ABCA13: variants seen among roughly 807,000 people sequenced by gnomAD.
ABCA13 encodes the protein ATP binding cassette subfamily A member 13.
Under a neutral mutation model 478.7 loss-of-function variants are expected in ABCA13, and 476 were observed. The observed-to-expected ratio is 0.99, with a 90% CI of 0.92 to 1.07. The LOEUF is 1.07. ABCA13 is among the 50% of genes least tolerant of loss of function. ABCA13 has a pLI of 0.00. For synonymous variants in ABCA13, 2,252 were observed against 2,158.9 expected (o/e 1.04, Z -1.20); for missense variants, 6,060 against 5,910.6 (o/e 1.03, Z -0.83).
chr7:48,624,416 C>T (rs1215349432), intron 59 of ABCA13, among the ~76,000 whole-genome samples: 2 of 152,070 alleles, frequency 1.3e-5, no homozygotes, highest in Non-Finnish European at 2.9e-5. Flanking sequence ...AAAAACACTC[C>T]TGTCATGGAA....
At chr7:48,592,542 G>A (rs1300003426) in intron 57 of ABCA13, among the ~76,000 whole-genome samples, 5 of 151,844 alleles carry the variant, frequency 3.3e-5, no homozygotes, top group African/African-American at 9.7e-5. Flanking sequence ...AGAAGAATGT[G>A]TATTCTGCTA....
intron 46 of ABCA13, 48 bp downstream of exon 46, chr7:48,481,202 G>T: frequency 2.9e-6 from 4 of 1,393,322 alleles, no homozygotes; most frequent in South Asian, 1.3e-5. Flanking sequence ...GATTACTATG[G>T]AAAACTTATT....
chr7:48,245,488 A>G, intron 11 of ABCA13, 24 bp from the exon 12 acceptor site: 2 of 1,582,868 alleles, frequency 1.3e-6, no homozygotes, highest in Non-Finnish European at 1.7e-6. Flanking sequence ...TAGGTGAATA[A>G]TAATCAATTT....
At chr7:48,532,201 A>G (rs1563402452) in intron 55 of ABCA13, among the ~76,000 whole-genome samples, 1 of 152,012 alleles carries the variant, frequency 6.6e-6, no homozygotes, top group Non-Finnish European at 1.5e-5. Flanking sequence ...GAGGGTTTTA[A>G]TCATAAAGAA....
At position 48,522,316 on chromosome 7, in the gene ABCA13, G is replaced by A. The variant is rs1047745519; in HGVS notation, c.14052-1932G>A. On this transcript the variant is annotated intron_variant, in intron 53 of 61. Transcript: ENST00000435803. Reference sequence around the variant, plus strand: ...TCCTTGCTGTCCTTCCCTAACCTGCGCTGACTCCTGTCCAGCTGTCCCACT... The same window carrying A: ...TCCTTGCTGTCCTTCCCTAACCTGCACTGACTCCTGTCCAGCTGTCCCACT... Among the ~76,000 whole-genome samples, 6 of 152,194 alleles carry A rather than the reference G, an allele frequency of 3.9e-5. No individual in the cohort carries two copies. In the East Asian group the frequency reaches 9.7e-4, roughly 25 times the overall value.
At chr7:48,317,062 G>A in intron 26 of ABCA13, 95 bp from the exon 27 acceptor site, 1 of 1,435,582 alleles carries the variant, frequency 7.0e-7, no homozygotes, top group East Asian at 2.5e-5. Context: ...GGCTGTCATT[G>A]AAAATGAGGC....
chr7:48,220,064 C>T (rs1187700268), intron 4 of ABCA13, among the ~76,000 whole-genome samples: 1 of 152,052 alleles, frequency 6.6e-6, no homozygotes, highest in Non-Finnish European at 1.5e-5. Flanking sequence ...GTGGATTATT[C>T]CCTAAACAAA....
At chr7:48,507,274 C>T (rs911621659) in intron 49 of ABCA13, among the ~76,000 whole-genome samples, 2 of 152,194 alleles carry the variant, frequency 1.3e-5, no homozygotes, top group Non-Finnish European at 2.9e-5. Context: ...TCCTGAAAGA[C>T]CATCTGTGGT....
In ABCA13 at chr7:48,358,264, GGGGAC is replaced by G. The variant is rs1162504385; in HGVS notation, c.10688+5778_10688+5782del. The stretch of plus-strand genomic sequence containing the variant: ...GGGGAGGGGAGGGGAGGGGAGGGGA[GGGGAC>G]AATGCCTGCCTGGCATGTTTTCTTA... On this transcript the variant is annotated intron_variant, in intron 31 of 61. Coordinates refer to ENST00000435803, the MANE Select transcript of ABCA13 (RefSeq NM_152701.5). Among the ~76,000 whole-genome samples, 397 of 100,182 alleles carry G rather than the reference GGGGAC, an allele frequency of 4.0e-3. 18 individuals carry two copies. The highest frequency in any genetic ancestry group is 0.015 in the African/African-American group (359 of 24,516). 65.7% of individuals were successfully genotyped at this position (100,182 alleles called of 152,430 possible).
intron 20 of ABCA13, among the ~76,000 whole-genome samples, chr7:48,289,108 G>A (rs922638626): frequency 6.6e-6 from 1 of 152,218 alleles, no homozygotes; most frequent in East Asian, 1.9e-4. Context: ...GCATGGCAAG[G>A]GTGTCGAATG....
Position 48,624,658 on chromosome 7 carries a change from C to T in ABCA13, c.14837+9281C>T, listed in dbSNP as rs137877274. ...GCAACCTCTCTGTCCCAGGTTCAAG[C>T]GATTCTCCTGCCTTAGCCTCCCAAG... On this transcript the variant is annotated intron_variant, in intron 59 of 61. Coordinates refer to ENST00000435803, the MANE Select transcript of ABCA13 (RefSeq NM_152701.5). 7.0e-3 allele frequency among the ~76,000 whole-genome samples: 1,069 copies of T among 151,856 alleles called. 11 individuals are homozygous for T. Among genetic ancestry groups the T allele is most frequent in the African/African-American group, 0.024 (986 of 41,420 alleles).
In ABCA13 at chr7:48,412,544, C is replaced by G. The variant is rs764769485; in HGVS notation, c.12420C>G (p.His4140Gln). 7.4e-6 allele frequency: 12 copies of G among 1,612,630 alleles called. No individual in the cohort carries two copies. Among genetic ancestry groups the G allele is most frequent in the South Asian group, 1.1e-5 (1 of 90,920 alleles). Residue 4140 changes from histidine to glutamine, a missense_variant, in exon 41 of 62, where the codon CAC becomes CAG. Physicochemically the swap from His to Gln is conservative, Grantham distance 24. Around this residue, in one of 3 missense-constraint regions of ABCA13, gnomAD observed 1,627 missense variants for 1,571.0 expected, o/e 1.04. Coordinates refer to ENST00000435803, the MANE Select transcript of ABCA13 (RefSeq NM_152701.5). The stretch of plus-strand genomic sequence containing the variant: ...TGGATGAGAACCTGCATCAGCTGCA[C>G]CTGACGGGCTATGGGATCTCAGACA... ...QALDENLHQL[H>Q]LTGYGISDTT...
intron 58 of ABCA13, among the ~76,000 whole-genome samples, chr7:48,599,469 A>G (rs1790652261): frequency 6.6e-6 from 1 of 152,120 alleles, no homozygotes; most frequent in Non-Finnish European, 1.5e-5. Context: ...TATATTCTGA[A>G]TAGAAGTCCC....
chr7:48,335,103 A>G (rs1005253763), intron 27 of ABCA13, among the ~76,000 whole-genome samples: 5 of 152,216 alleles, frequency 3.3e-5, no homozygotes, highest in Admixed American at 3.3e-4. Flanking sequence ...TCTTTGAGGA[A>G]GAAATGTGGG....
chr7:48,465,780 A>G (rs920303802), intron 43 of ABCA13, among the ~76,000 whole-genome samples: 1 of 151,736 alleles, frequency 6.6e-6, no homozygotes, highest in Admixed American at 6.6e-5. Context: ...GAACACTAGT[A>G]CCTATTTTTT....
At chr7:48,313,263 A>G (rs1802044540) in intron 25 of ABCA13, 32 bp downstream of exon 25, 2 of 1,573,070 alleles carry the variant, frequency 1.3e-6, no homozygotes. Context: ...CTAGGGAAAT[A>G]TTCAAATTTG....
chr7:48,476,841 A>G (rs911025805), intron 45 of ABCA13, among the ~76,000 whole-genome samples: 2 of 152,204 alleles, frequency 1.3e-5, no homozygotes, highest in East Asian at 3.9e-4. Context: ...TGGGGGCATG[A>G]AGTGGGAAAG....
intron 1 of ABCA13, among the ~76,000 whole-genome samples, chr7:48,177,976 G>A (rs949066338): frequency 3.3e-5 from 5 of 152,216 alleles, no homozygotes; most frequent in Non-Finnish European, 7.3e-5. Flanking sequence ...GCTAAGAGCA[G>A]TGATCTAGGA....
chr7:48,183,937 T>G (rs1796031754), intron 1 of ABCA13, among the ~76,000 whole-genome samples: 1 of 152,238 alleles, frequency 6.6e-6, no homozygotes, highest in Non-Finnish European at 1.5e-5. Context: ...TTTGGTTAAA[T>G]TATATAGTAT....
Sources: allele counts gnomAD v4.1 joint callset (sites outside exome capture counted in the v4.1 genomes callset), GRCh38; gene constraint gnomAD v4.1.1; regional missense constraint gnomAD v4.1.1; transcripts MANE v1.5; gene names NCBI Gene and HGNC (gene_info 2026-07-23, HGNC 2026-07-21).